The following KCNN1 variants were observed in gnomAD, a reference collection of about 807,000 sequenced individuals.
KCNN1 encodes small conductance calcium-activated potassium channel protein 1.
In KCNN1, 20 loss-of-function variants were observed where a neutral mutation model predicts 44.7. The ratio of observed to expected loss-of-function variants is 0.45; its 90% CI spans 0.32 to 0.65. The LOEUF (loss-of-function observed/expected upper bound fraction) is 0.65. Ranked by LOEUF, KCNN1 falls within the 30% of genes least tolerant of loss-of-function variation. The probability of loss-of-function intolerance (pLI) is 0.05; values close to 1 mark genes in which losing one functional copy is unlikely to be tolerated. For missense variants in KCNN1, 632 were observed against 785.3 expected (o/e 0.80, Z 2.33); for synonymous variants, 324 against 341.7 (o/e 0.95, Z 0.57).
chr19:17,969,275 C>G (rs527559085), intron 1 of KCNN1, among the ~76,000 whole-genome samples: 1 of 152,256 alleles, frequency 6.6e-6, no homozygotes, highest in South Asian at 2.1e-4. Flanking sequence ...ACCTGCCACG[C>G]CTGGATGGCA....
Position 17,998,329 on chromosome 19 carries a change from G to A in KCNN1, c.1555G>A (p.Gly519Ser), listed in dbSNP as rs550566556. ...PPPPPLPPRP[G>S]PGPQDQAARS... ...CCCGCCTCCCCTGCCTCCCAGGCCC[G>A]GCCCCGGCCCCCAAGACCAGGCAGC... Residue 519 changes from glycine (G) to serine (S), a missense_variant, in exon 10 of 10, where the codon GGC (glycine) becomes AGC (serine). Around this residue, in one of 3 missense-constraint regions of KCNN1, gnomAD observed 237 missense variants for 253.0 expected, o/e 0.94. Coordinates refer to ENST00000684775, the MANE Select transcript of KCNN1 (RefSeq NM_001386974.1). This position sits in a 1 kb window ranked among gnomAD's most constrained non-coding sequence, Gnocchi z 5.4. 1.4e-5 allele frequency: 20 copies of A among 1,445,262 alleles called. No individual in the cohort carries two copies. Among genetic ancestry groups the A allele is most frequent in the Middle Eastern group, 2.4e-4 (1 of 4,110 alleles). 89.5% of individuals were successfully genotyped at this position (1,445,262 alleles called of 1,614,324 possible).
Position 17,998,653 on chromosome 19 carries a change from T to C in KCNN1, c.*247T>C. 6.6e-6 allele frequency: 3 copies of C among 451,130 alleles called. No homozygotes were observed. Among genetic ancestry groups the C allele is most frequent in the Non-Finnish European group, 1.2e-5 (3 of 257,350 alleles). The allele number at this position is 451,130 out of a possible 1,614,324, so 27.9% of individuals were successfully genotyped here. On this transcript the variant is annotated 3_prime_UTR_variant, in exon 10 of 10. Coordinates refer to ENST00000684775, the MANE Select transcript of KCNN1 (RefSeq NM_001386974.1). This position sits in a 1 kb window ranked among gnomAD's most constrained non-coding sequence, Gnocchi z 5.4. ...ACTCTCCCCAGGCCCCCGGTGGGCATGGAGCAGCCCGGGGAGGGGTCCGTG... is the reference window on the plus strand; with the variant it reads ...ACTCTCCCCAGGCCCCCGGTGGGCACGGAGCAGCCCGGGGAGGGGTCCGTG...
Position 17,983,397 on chromosome 19 carries a change from C to T in KCNN1, c.917+1270C>T, listed in dbSNP as rs990545766. On this transcript the variant is annotated intron_variant, in intron 4 of 9. Coordinates refer to ENST00000684775, the MANE Select transcript of KCNN1 (RefSeq NM_001386974.1). This position sits in a 1 kb window ranked among gnomAD's most constrained non-coding sequence, Gnocchi z 4.5. ...CATACTCCCACGGGCCCTGCCTGGG[C>T]ATGAGGCCTGGCTCTCAGGGATGAA... Among the ~76,000 whole-genome samples the T allele has an allele frequency of 4.3e-4, 65 of 152,100 alleles. No individual in the cohort carries two copies. The highest frequency in any genetic ancestry group is 7.9e-4 in the Non-Finnish European group (54 of 67,928).
At chr19:17,978,459 G>C in intron 3 of KCNN1, among the ~76,000 whole-genome samples, 1 of 137,550 alleles carries the variant, frequency 7.3e-6, no homozygotes, top group East Asian at 2.1e-4. Context: ...ACAGGATCTC[G>C]TTCTGTCGCC....
chr19:17,952,773 A>AC (rs1024070956), intron 1 of KCNN1, among the ~76,000 whole-genome samples: 3 of 151,218 alleles, frequency 2.0e-5, no homozygotes, highest in Admixed American at 6.6e-5. Flanking sequence ...GTAGGAGGGA[A>AC]CCCCCCACCT....
intron 1 of KCNN1, among the ~76,000 whole-genome samples, chr19:17,971,174 G>A (rs1370278395): frequency 6.6e-6 from 1 of 152,024 alleles, no homozygotes; most frequent in Middle Eastern, 3.2e-3. Flanking sequence ...GTGAGCCACT[G>A]CACCCAGCCA....
At chr19:17,958,480 CTTTTTTTTTT>C (rs71164331) in intron 2 of KCNN1, among the ~76,000 whole-genome samples, 6 of 99,542 alleles carry the variant, frequency 6.0e-5, no homozygotes, top group African/African-American at 1.9e-4. Context: ...GACCCTGTCT[CTTTTTTTTTT>C]TTTTTTTTTT....
At chr19:17,982,735 G>A (rs1025172576) in intron 4 of KCNN1, among the ~76,000 whole-genome samples, 3 of 152,192 alleles carry the variant, frequency 2.0e-5, no homozygotes, top group Non-Finnish European at 4.4e-5. Flanking sequence ...ACCCCGTCAC[G>A]GGGGCAGGCC....
intron 2 of KCNN1, among the ~76,000 whole-genome samples, chr19:17,960,812 C>T (rs886298624): frequency 1.1e-4 from 16 of 152,080 alleles, no homozygotes; most frequent in Admixed American, 1.0e-3. Context: ...CTGTGTCACC[C>T]CCACCTCTGT....
intron 5 of KCNN1, among the ~76,000 whole-genome samples, chr19:17,986,664 A>T (rs2032608200): frequency 6.6e-6 from 1 of 152,018 alleles, no homozygotes; most frequent in Non-Finnish European, 1.5e-5. Flanking sequence ...TCCATGTTTT[A>T]TTTTTATGTT....
rs977356901 is a variant in KCNN1, at chr19:17,988,529, A to T, written c.1170+4A>T. 1 of 1,610,186 alleles carries T rather than the reference A, an allele frequency of 6.2e-7. No homozygotes were observed. The highest frequency in any genetic ancestry group is 1.7e-4 in the Middle Eastern group (1 of 6,056). On this transcript the variant is annotated splice_donor_region_variant and intron_variant, in intron 6 of 9. Transcript: ENST00000684775. Reference sequence around the variant, plus strand: ...GGACACTCAGCTCACCAAGCGGGTGAGGACCGCGGTTCCCATGGAGGCCGC... The same window carrying T: ...GGACACTCAGCTCACCAAGCGGGTGTGGACCGCGGTTCCCATGGAGGCCGC...
At position 17,993,594 on chromosome 19, in the gene KCNN1, C is replaced by T; in HGVS notation, c.1377+35C>T. On this transcript the variant is annotated intron_variant, in intron 9 of 9. Transcript: ENST00000684775. This position sits in a 1 kb window ranked among gnomAD's most constrained non-coding sequence, Gnocchi z 4.5. ...TTGGGGCAGGGTGGGCCAGACAGGG[C>T]AGGTGGGGCCCCGGAGCAGATGGGA... 6.2e-7 allele frequency: 1 copy of T among 1,600,330 alleles called. No homozygotes were observed. The highest frequency in any genetic ancestry group is 2.2e-5 in the East Asian group (1 of 44,784).
At chr19:17,975,270 C>T in intron 3 of KCNN1, 83 bp downstream of exon 3, 1 of 948,812 alleles carries the variant, frequency 1.1e-6, no homozygotes, top group Non-Finnish European at 1.7e-6. Flanking sequence ...ACCCCATCCC[C>T]TCAAAACATA....
Position 17,982,107 on chromosome 19 carries a change from G to C in KCNN1, c.897G>C (p.Trp299Cys). 6.3e-7 allele frequency: 1 copy of C among 1,585,334 alleles called. No individual in the cohort carries two copies. Among genetic ancestry groups the C allele is most frequent in the Non-Finnish European group, 8.6e-7 (1 of 1,167,006 alleles). The change falls in exon 4 of 10, where the codon TGG (tryptophan) becomes TGC (cysteine). Residue 299 changes from tryptophan (W) to cysteine (C), a missense_variant. Physicochemically the swap from Trp to Cys is radical, Grantham distance 215. Around this residue, in one of 3 missense-constraint regions of KCNN1, gnomAD observed 160 missense variants for 308.3 expected, o/e 0.52. Transcript: ENST00000684775. ...FSISSWIIAA[W>C]TVRVCERYHD... The stretch of plus-strand genomic sequence containing the variant: ...TCTCCTCCTGGATCATCGCAGCCTG[G>C]ACCGTGCGCGTCTGCGAGAGGTGCG...
Position 17,967,259 on chromosome 19 carries a change from G to C in KCNN1, c.-140G>C. ...CTCCGGCTCCCGACTGGGGGTCCGC[G>C]GCCGCGCGGGACCCTCTCCCCTCCA... On this transcript the variant is annotated 5_prime_UTR_variant, in exon 1 of 10. Coordinates refer to ENST00000684775, the MANE Select transcript of KCNN1 (RefSeq NM_001386974.1). The C allele has an allele frequency of 1.0e-6, 1 of 985,004 alleles. No homozygotes were observed. The allele number at this position is 985,004 out of a possible 1,614,324, so 61.0% of individuals were successfully genotyped here.
chr19:17,979,418 G>C lies in KCNN1; in HGVS notation c.499-2291G>C, dbSNP rs564350183. ...ACTGCACTCCAGCCTGGGCAATGGA[G>C]CGAGACTCCGTCTCAAAAAAAAAAA... On this transcript the variant is annotated intron_variant, in intron 3 of 9. Transcript: ENST00000684775. 1.4e-3 allele frequency among the ~76,000 whole-genome samples: 197 copies of C among 136,406 alleles called. 1 individual carries two copies. Among genetic ancestry groups the C allele is most frequent in the Non-Finnish European group, 2.3e-3 (147 of 64,742 alleles). The allele number at this position is 136,406 out of a possible 152,430, so 89.5% of individuals were successfully genotyped here. A position where few individuals can be genotyped will look rare whatever the true frequency, so the allele number is the denominator to read the frequency against.
chr19:17,998,087 G>A lies in KCNN1; in HGVS notation c.1378-65G>A, dbSNP rs2145984383. 7 of 1,467,048 alleles carry A rather than the reference G, an allele frequency of 4.8e-6. No homozygotes were observed. Among genetic ancestry groups the A allele is most frequent in the Admixed American group, 2.2e-5 (1 of 44,898 alleles). The allele number at this position is 1,467,048 out of a possible 1,614,324, so 90.9% of individuals were successfully genotyped here. ...GCTGTCCCTCTCTGTCATTGGTGTC[G>A]TGGTATCGTCCTTTCCTCTCTCACT... is the stretch of plus-strand genomic sequence containing the variant. On this transcript the variant is annotated intron_variant, in intron 9 of 9. Transcript: ENST00000684775. The surrounding 1 kb of genome is among the most constrained non-coding windows in gnomAD (Gnocchi z 5.4).
intron 1 of KCNN1, among the ~76,000 whole-genome samples, chr19:17,954,232 G>A: frequency 6.6e-6 from 1 of 152,136 alleles, no homozygotes; most frequent in East Asian, 1.9e-4. Flanking sequence ...TGAAGCAGGT[G>A]AATCACCTCT....
chr19:17,992,953 GGC>G (rs2032846545), intron 7 of KCNN1, 99 bp from the exon 8 acceptor site: 1 of 1,474,054 alleles, frequency 6.8e-7, no homozygotes, highest in South Asian at 1.2e-5. Context: ...GCCCTAGGGT[GGC>G]ATCCCCGGGA....
Sources: gnomAD v4.1 joint callset for allele counts (sites outside exome capture counted in the v4.1 genomes callset) on GRCh38, gnomAD v4.1.1 for gene constraint, gnomAD v4.1.1 regional missense constraint, Gnocchi (gnomAD v3.1) non-coding constraint, MANE v1.5 for transcripts, NCBI Gene and HGNC (gene_info 2026-07-23, HGNC 2026-07-21) for gene names.